OR51E1: variants seen among roughly 807,000 people sequenced by gnomAD.
The protein encoded by OR51E1 is olfactory receptor family 51 subfamily E member 1.
In OR51E1, 9 loss-of-function variants were observed where a neutral mutation model predicts 11.5. That is an observed-to-expected ratio of 0.78 (90% CI 0.47 to 1.37). OR51E1 has a LOEUF of 1.37. Ranked by LOEUF, OR51E1 falls within the 40% of genes most tolerant of loss-of-function variation. OR51E1 has a pLI of 0.00. For synonymous variants in OR51E1, 168 were observed against 158.3 expected, an observed-to-expected ratio of 1.06 and a Z score of -0.46; for missense variants, 397 against 410.2, an observed-to-expected ratio of 0.97 and a Z score of 0.28.
chr11:4,644,608 A>T (rs1219951040), intron 1 of OR51E1, among the ~76,000 whole-genome samples: 1 of 152,040 alleles, frequency 6.6e-6, no homozygotes, highest in East Asian at 1.9e-4. Flanking sequence ...AGCCCATTTA[A>T]AAAGTAGATT....
At position 4,652,652 on chromosome 11, in the gene OR51E1, G is replaced by C. The variant is rs944021878; in HGVS notation, c.126G>C (p.Val42=). The change falls in exon 2 of 2, where the codon GTG becomes GTC. Residue 42 remains valine, a synonymous_variant. Coordinates refer to ENST00000396952, the MANE Select transcript of OR51E1 (RefSeq NM_152430.4). ...FPLCSLYLIA[V]LGNLTIIYIV... ...TGTGCTCCCTCTACCTTATTGCTGT[G>C]CTAGGTAACTTGACAATCATCTACA... 17 of 1,613,974 alleles carry C rather than the reference G, an allele frequency of 1.1e-5. No individual in the cohort carries two copies. The African/African-American group carries it at 2.3e-4, about 22-fold the overall frequency.
At chr11:4,646,190 A>G (rs1589860625) in intron 1 of OR51E1, among the ~76,000 whole-genome samples, 1 of 152,328 alleles carries the variant, frequency 6.6e-6, no homozygotes, top group South Asian at 2.1e-4. Flanking sequence ...AGAGGCTGAC[A>G]GCAGCGCCAG....
chr11:4,647,991 T>C (rs910070549), intron 1 of OR51E1, among the ~76,000 whole-genome samples: 1 of 152,174 alleles, frequency 6.6e-6, no homozygotes. Flanking sequence ...CTGGAAGTCA[T>C]CTGGTCACTC....
In OR51E1 at chr11:4,652,779, C is replaced by T; in HGVS notation, c.253C>T (p.Leu85=). The T allele has an allele frequency of 6.2e-7, 1 of 1,614,202 alleles. No individual in the cohort carries two copies. The highest frequency in any genetic ancestry group is 8.5e-7 in the Non-Finnish European group (1 of 1,180,016). The part of the protein sequence containing the change: ...LISTSSMPKM[L]AIFWFNSTTI... ...CTCCACCTCATCCATGCCCAAAATGCTGGCCATCTTCTGGTTCAATTCCAC... is the reference window on the plus strand; with the variant it reads ...CTCCACCTCATCCATGCCCAAAATGTTGGCCATCTTCTGGTTCAATTCCAC... The change falls in exon 2 of 2, where the codon CTG becomes TTG. Residue 85 remains leucine, a synonymous_variant. Transcript: ENST00000396952.
intron 1 of OR51E1, among the ~76,000 whole-genome samples, chr11:4,647,625 G>C (rs930134876): frequency 2.5e-4 from 38 of 152,094 alleles, no homozygotes; most frequent in Non-Finnish European, 4.9e-4. Flanking sequence ...GAGTTCTGAA[G>C]CCCGGGGGAA....
intron 1 of OR51E1, among the ~76,000 whole-genome samples, chr11:4,648,220 G>A (rs745717680): frequency 6.6e-6 from 1 of 152,146 alleles, no homozygotes; most frequent in Non-Finnish European, 1.5e-5. Flanking sequence ...TCTTCCTTTT[G>A]TTGATTTCTG....
At position 4,652,760 on chromosome 11, in the gene OR51E1, C is replaced by G. The variant is rs760728701; in HGVS notation, c.234C>G (p.Thr78=). 1 of 1,614,046 alleles carries G rather than the reference C, an allele frequency of 6.2e-7. No individual in the cohort carries two copies. Among genetic ancestry groups the G allele is most frequent in the Non-Finnish European group, 8.5e-7 (1 of 1,180,010 alleles). Residue 78 remains threonine, a synonymous_variant, in exon 2 of 2, where the codon ACC becomes ACG. Coordinates refer to ENST00000396952, the MANE Select transcript of OR51E1 (RefSeq NM_152430.4). ...CAGGCATTGACATCCTCATCTCCAC[C>G]TCATCCATGCCCAAAATGCTGGCCA... ...MLSGIDILIS[T]SSMPKMLAIF...
In OR51E1 at chr11:4,652,898, C is replaced by T. The variant is rs200393599; in HGVS notation, c.372C>T (p.Asp124=). Residue 124 remains aspartate, a synonymous_variant, in exon 2 of 2, where the codon GAC becomes GAT. Transcript: ENST00000396952. ...CAGTGCTGCTGGCCATGGCTTTTGA[C>T]CGCTATGTGGCCATCTGTCACCCAC... ...ESTVLLAMAF[D]RYVAICHPLR... is the part of the protein sequence containing the mutation. 9.9e-6 allele frequency: 16 copies of T among 1,612,522 alleles called. No homozygotes were observed. Among genetic ancestry groups the T allele is most frequent in the Middle Eastern group, 1.7e-4 (1 of 6,060 alleles).
At position 4,653,477 on chromosome 11, in the gene OR51E1, G is replaced by A. The variant is rs779747369; in HGVS notation, c.951G>A (p.Glu317=). 10 of 1,578,046 alleles carry A rather than the reference G, an allele frequency of 6.3e-6. No individual in the cohort carries two copies. Among genetic ancestry groups the A allele is most frequent in the East Asian group, 4.5e-5 (2 of 44,500 alleles). Residue 317 remains glutamate, a synonymous_variant, in exon 2 of 2, where the codon GAG becomes GAA. Coordinates refer to ENST00000396952, the MANE Select transcript of OR51E1 (RefSeq NM_152430.4). ...RLFHVATHAS[E]P ...TCCATGTGGCCACACACGCTTCAGA[G>A]CCCTAGGTGTCAGTGATCAAACTTC...
At chr11:4,649,891 T>C (rs1847073181) in intron 1 of OR51E1, among the ~76,000 whole-genome samples, 2 of 152,232 alleles carry the variant, frequency 1.3e-5, no homozygotes, top group Non-Finnish European at 2.9e-5. Flanking sequence ...GGGACTCTTA[T>C]AATCATTTTA....
At position 4,655,227 on chromosome 11, in the gene OR51E1, G is replaced by A. The variant is rs1472229; in HGVS notation, c.*1744G>A. On this transcript the variant is annotated 3_prime_UTR_variant, in exon 2 of 2. Coordinates refer to ENST00000396952, the MANE Select transcript of OR51E1 (RefSeq NM_152430.4). Reference sequence around the variant, plus strand: ...TTTGAGTTGGGTATTATTAAATTCTGGCCATTACTTCCAATGTGAGTGGAA... The same window carrying A: ...TTTGAGTTGGGTATTATTAAATTCTAGCCATTACTTCCAATGTGAGTGGAA... The A allele has an allele frequency of 0.3, 49,978 of 166,916 alleles. 7,819 individuals carry two copies. The highest frequency in any genetic ancestry group is 0.33 in the Non-Finnish European group (22,322 of 68,052). The allele number at this position is 166,916 out of a possible 1,614,324, so 10.3% of individuals were successfully genotyped here.
In OR51E1 at chr11:4,652,824, T is replaced by A. The variant is rs1027464824; in HGVS notation, c.298T>A (p.Cys100Ser). ...FNSTTIQFDA[C>S]LLQMFAIHSL... Reference sequence around the variant, plus strand: ...TTCCACTACCATCCAGTTTGATGCTTGTCTGCTACAGATGTTTGCCATCCA... The same window carrying A: ...TTCCACTACCATCCAGTTTGATGCTAGTCTGCTACAGATGTTTGCCATCCA... The change falls in exon 2 of 2, where the codon TGT (cysteine) becomes AGT (serine). Residue 100 changes from cysteine to serine, a missense_variant. Coordinates refer to ENST00000396952, the MANE Select transcript of OR51E1 (RefSeq NM_152430.4). 26 of 1,614,100 alleles carry A rather than the reference T, an allele frequency of 1.6e-5. No individual in the cohort carries two copies. The highest frequency in any genetic ancestry group is 2.1e-5 in the Non-Finnish European group (25 of 1,180,046).
intron 1 of OR51E1, among the ~76,000 whole-genome samples, 193 bp from the exon 2 acceptor site, chr11:4,652,295 A>G (rs1284971194): frequency 6.6e-6 from 1 of 152,228 alleles, no homozygotes; most frequent in Non-Finnish European, 1.5e-5. Context: ...GGGGTTAGTA[A>G]GTAGGACTGG....
At chr11:4,646,459 T>A (rs949815066) in intron 1 of OR51E1, among the ~76,000 whole-genome samples, 2 of 152,198 alleles carry the variant, frequency 1.3e-5, no homozygotes, top group African/African-American at 4.8e-5. Context: ...GGCAGTAGCT[T>A]GGCCTACTGT....
intron 1 of OR51E1, among the ~76,000 whole-genome samples, chr11:4,646,785 C>T (rs1847035949): frequency 6.6e-6 from 1 of 152,102 alleles, no homozygotes; most frequent in Non-Finnish European, 1.5e-5. Flanking sequence ...TTATACCTTG[C>T]CTTTTGGGTG....
At chr11:4,644,330 G>A (rs1270167378) in intron 1 of OR51E1, among the ~76,000 whole-genome samples, 1 of 152,124 alleles carries the variant, frequency 6.6e-6, no homozygotes, top group Non-Finnish European at 1.5e-5. Flanking sequence ...TGAGGACAGA[G>A]GACAGAGGAC....
chr11:4,645,449 C>T (rs1157570311), intron 1 of OR51E1, among the ~76,000 whole-genome samples: 1 of 152,190 alleles, frequency 6.6e-6, no homozygotes, highest in African/African-American at 2.4e-5. Context: ...CTTTTGCTTC[C>T]CCTTGTCCCA....
At chr11:4,649,674 G>A (rs182081458) in intron 1 of OR51E1, among the ~76,000 whole-genome samples, 1 of 152,260 alleles carries the variant, frequency 6.6e-6, no homozygotes, top group African/African-American at 2.4e-5. Context: ...GATGAGGAAG[G>A]TTACCCTAGA....
rs1847127922 is a variant in OR51E1, at chr11:4,653,306, G to A, written c.780G>A (p.Leu260=). ...VFIFYVPFIG[L]SMVHRFSKRR... is the part of the protein sequence containing the mutation. ...TATTCTATGTACCTTTCATTGGATT[G>A]TCCATGGTGCATCGCTTTAGCAAGC... The change falls in exon 2 of 2, where the codon TTG becomes TTA. Residue 260 remains leucine (L), a synonymous_variant. Transcript: ENST00000396952. 3 of 1,614,010 alleles carry A rather than the reference G, an allele frequency of 1.9e-6. No homozygotes were observed. The highest frequency in any genetic ancestry group is 1.3e-5 in the African/African-American group (1 of 74,904).
Sources: gnomAD v4.1 joint callset for allele counts (sites outside exome capture counted in the v4.1 genomes callset) on GRCh38, gnomAD v4.1.1 for gene constraint, MANE v1.5 for transcripts, NCBI Gene and HGNC (gene_info 2026-07-23, HGNC 2026-07-21) for gene names.